ZFPM2: variants seen among roughly 807,000 people sequenced by gnomAD.
The protein encoded by ZFPM2 is zinc finger protein ZFPM2.
In ZFPM2, 20 loss-of-function variants were observed where a neutral mutation model predicts 98.6. The observed-to-expected ratio is 0.20, with a 90% CI of 0.14 to 0.29. The LOEUF (loss-of-function observed/expected upper bound fraction) is 0.29. ZFPM2 is among the 10% of genes least tolerant of loss of function. ZFPM2 has a pLI of 1.00. For synonymous variants in ZFPM2, 518 were observed against 502.7 expected (o/e 1.03, Z -0.41); for missense variants, 1,310 against 1,388.6 (o/e 0.94, Z 0.90).
At chr8:105,742,364 T>G in intron 5 of ZFPM2, among the ~76,000 whole-genome samples, 1 of 129,056 alleles carries the variant, frequency 7.7e-6, no homozygotes, top group Admixed American at 8.5e-5. Flanking sequence ...GGCAACAGAG[T>G]GAGATCCTGT....
intron 3 of ZFPM2, among the ~76,000 whole-genome samples, chr8:105,476,360 A>C (rs1813011961): frequency 6.6e-6 from 1 of 152,158 alleles, no homozygotes; most frequent in Non-Finnish European, 1.5e-5. Flanking sequence ...TGGGAGCCTG[A>C]ATCCTATTGT....
chr8:105,550,140 A>T (rs906103204), intron 3 of ZFPM2, among the ~76,000 whole-genome samples: 2 of 152,110 alleles, frequency 1.3e-5, no homozygotes, highest in African/African-American at 4.8e-5. Flanking sequence ...TGACACTCAC[A>T]TCATAAGCTT....
chr8:105,512,217 T>G (rs1225695712), intron 3 of ZFPM2, among the ~76,000 whole-genome samples: 1 of 152,168 alleles, frequency 6.6e-6, no homozygotes, highest in Non-Finnish European at 1.5e-5. Context: ...TTAGACTAAA[T>G]GTTTGGGCTG....
intron 4 of ZFPM2, among the ~76,000 whole-genome samples, chr8:105,580,254 G>T (rs1815560401): frequency 6.6e-6 from 1 of 152,084 alleles, no homozygotes; most frequent in African/African-American, 2.4e-5. Flanking sequence ...CATGCATATT[G>T]TATATTGTTG....
intron 5 of ZFPM2, among the ~76,000 whole-genome samples, chr8:105,762,488 C>A (rs1030195940): frequency 2.0e-5 from 3 of 151,862 alleles, no homozygotes; most frequent in African/African-American, 7.3e-5. Flanking sequence ...TTTGGTGTCA[C>A]CTATATCATG....
Position 105,788,939 on chromosome 8 carries a change from CTG to C in ZFPM2, c.739+19_739+20del, listed in dbSNP as rs745347295. 1.3e-6 allele frequency: 2 copies of C among 1,598,390 alleles called. No homozygotes were observed. The highest frequency in any genetic ancestry group is 2.7e-5 in the African/African-American group (2 of 74,694). ...TATTGTCAATAGTAAGTGCTCAGTG[CTG>C]TGTAGCCCAGCTTTAGAGGTGATGG... On this transcript the variant is annotated intron_variant, in intron 6 of 7. Coordinates refer to ENST00000407775, the MANE Select transcript of ZFPM2 (RefSeq NM_012082.4).
intron 1 of ZFPM2, among the ~76,000 whole-genome samples, chr8:105,345,377 A>G (rs1812502350): frequency 1.4e-5 from 2 of 145,140 alleles, no homozygotes. Flanking sequence ...GAAGGCAGAG[A>G]TGTGGAGCAT....
chr8:105,388,140 GT>G (rs1422701952), intron 1 of ZFPM2, among the ~76,000 whole-genome samples: 1 of 152,126 alleles, frequency 6.6e-6, no homozygotes, highest in Non-Finnish European at 1.5e-5. Context: ...CTAAAAGCTG[GT>G]AAAGACAGAC....
chr8:105,587,373 C>T (rs891090244), intron 4 of ZFPM2, among the ~76,000 whole-genome samples: 2 of 149,798 alleles, frequency 1.3e-5, no homozygotes, highest in South Asian at 2.2e-4. Context: ...TCTCATAGCA[C>T]TAAAATAAAC....
chr8:105,767,536 G>A (rs941690946), intron 5 of ZFPM2, among the ~76,000 whole-genome samples: 2 of 151,802 alleles, frequency 1.3e-5, no homozygotes, highest in Non-Finnish European at 2.9e-5. Context: ...CTGAGATCAA[G>A]TTGCAGTAAT....
intron 3 of ZFPM2, among the ~76,000 whole-genome samples, chr8:105,446,529 AAG>A (rs1321708256): frequency 1.3e-5 from 2 of 152,152 alleles, no homozygotes; most frequent in African/African-American, 2.4e-5. Context: ...TGGCTAATAA[AAG>A]AGGGGGAGAG....
At position 105,561,474 on chromosome 8, in the gene ZFPM2, A is replaced by G; in HGVS notation, c.413A>G (p.Asn138Ser). Residue 138 changes from asparagine (N) to serine (S), a missense_variant, in exon 4 of 8, where the codon AAT (asparagine) becomes AGT (serine). Coordinates refer to ENST00000407775, the MANE Select transcript of ZFPM2 (RefSeq NM_012082.4). ...PFPGKMDLNNNSLKTKAQVPM... is the reference protein window; with the variant it reads ...PFPGKMDLNNSSLKTKAQVPM... ...CCTGGGAAGATGGACTTGAATAATA[A>G]TTCTTTGGTATGTGGATATTCCGAG... 1.2e-6 allele frequency: 2 copies of G among 1,609,314 alleles called. No homozygotes were observed. The highest frequency in any genetic ancestry group is 1.7e-6 in the Non-Finnish European group (2 of 1,176,828).
At chr8:105,713,957 T>C (rs1371840136) in intron 5 of ZFPM2, among the ~76,000 whole-genome samples, 1 of 152,092 alleles carries the variant, frequency 6.6e-6, no homozygotes, top group East Asian at 1.9e-4. Context: ...TTTGTTTCCA[T>C]ATGAACTTTC....
chr8:105,363,349 A>C (rs1352880542), intron 1 of ZFPM2, among the ~76,000 whole-genome samples: 3 of 152,156 alleles, frequency 2.0e-5, no homozygotes, highest in African/African-American at 7.2e-5. Context: ...ATCATTTGCT[A>C]TGTGACTCTA....
intron 1 of ZFPM2, among the ~76,000 whole-genome samples, chr8:105,379,519 C>G (rs1810799723): frequency 6.6e-6 from 1 of 152,018 alleles, no homozygotes; most frequent in Non-Finnish European, 1.5e-5. Context: ...TTTGGGAGGC[C>G]AGGGTGGGCG....
chr8:105,382,030 T>A (rs1810899238), intron 1 of ZFPM2, among the ~76,000 whole-genome samples: 2 of 152,242 alleles, frequency 1.3e-5, no homozygotes, highest in South Asian at 4.1e-4. Context: ...AAACAATATA[T>A]TCAAGATTCA....
At chr8:105,535,129 G>A (rs546003953) in intron 3 of ZFPM2, among the ~76,000 whole-genome samples, 19 of 152,266 alleles carry the variant, frequency 1.2e-4, no homozygotes, top group Non-Finnish European at 1.8e-4. Context: ...AAATGTCTTT[G>A]CCATTGGCCT....
At chr8:105,666,353 C>T (rs1040625899) in intron 5 of ZFPM2, among the ~76,000 whole-genome samples, 1 of 152,152 alleles carries the variant, frequency 6.6e-6, no homozygotes, top group Non-Finnish European at 1.5e-5. Context: ...TGAAAATTAT[C>T]GATAACACAC....
intron 5 of ZFPM2, among the ~76,000 whole-genome samples, chr8:105,718,785 C>T (rs1433145012): frequency 2.0e-5 from 3 of 151,898 alleles, no homozygotes; most frequent in African/African-American, 7.2e-5. Context: ...GTTTATTCCT[C>T]CCAACCCCCA....
Sources: allele counts gnomAD v4.1 joint callset (sites outside exome capture counted in the v4.1 genomes callset), GRCh38; gene constraint gnomAD v4.1.1; transcripts MANE v1.5; gene names NCBI Gene and HGNC (gene_info 2026-07-23, HGNC 2026-07-21).